RGS9: variants seen among roughly 807,000 people sequenced by gnomAD.
RGS9 encodes the protein regulator of G protein signaling 9, also known as regulator of G-protein signalling 9.
In RGS9, 78 loss-of-function variants were observed where a neutral mutation model predicts 102.0. The ratio of observed to expected loss-of-function variants is 0.76; its 90% CI spans 0.64 to 0.92. RGS9 has a LOEUF of 0.92. Ranked by LOEUF, RGS9 falls within the 40% of genes least tolerant of loss-of-function variation. The pLI, the probability that RGS9 is intolerant of heterozygous loss-of-function variation, is 0.00. For missense variants in RGS9, 833 were observed against 866.1 expected (o/e 0.96, Z 0.48); for synonymous variants, 353 against 318.6 (o/e 1.11, Z -1.15).
At chr17:65,167,477 C>T (rs1471281165) in intron 7 of RGS9, among the ~76,000 whole-genome samples, 1 of 152,172 alleles carries the variant, frequency 6.6e-6, no homozygotes, top group African/African-American at 2.4e-5. Flanking sequence ...GCTGTGATTA[C>T]AGGCATGAGC....
chr17:65,156,539 T>C (rs1342742669), intron 2 of RGS9, among the ~76,000 whole-genome samples: 1 of 152,180 alleles, frequency 6.6e-6, no homozygotes, highest in Non-Finnish European at 1.5e-5. Flanking sequence ...TTATTTAACT[T>C]CTTGGACGGC....
At chr17:65,177,401 A>G (rs891085813) in intron 8 of RGS9, among the ~76,000 whole-genome samples, 3 of 140,052 alleles carry the variant, frequency 2.1e-5, no homozygotes, top group African/African-American at 8.1e-5. Flanking sequence ...TCATCCATCC[A>G]CTTATCCATG....
chr17:65,153,313 C>G, intron 1 of RGS9, 109 bp from the exon 2 acceptor site: 1 of 925,720 alleles, frequency 1.1e-6, no homozygotes, highest in African/African-American at 1.6e-5. Context: ...ATGGGGAACC[C>G]CTGTGTCCAC....
chr17:65,209,296 C>T (rs187306771), intron 16 of RGS9, among the ~76,000 whole-genome samples: 1 of 152,344 alleles, frequency 6.6e-6, no homozygotes, highest in East Asian at 1.9e-4. Flanking sequence ...AGCTCCAAGC[C>T]TTCCTCTTGG....
intron 14 of RGS9, among the ~76,000 whole-genome samples, chr17:65,203,375 G>C (rs754758838): frequency 6.6e-6 from 1 of 152,062 alleles, no homozygotes; most frequent in Non-Finnish European, 1.5e-5. Flanking sequence ...ACACAGTGAC[G>C]CACACACAAC....
At chr17:65,190,878 T>C (rs1320173657) in intron 11 of RGS9, among the ~76,000 whole-genome samples, 1 of 152,212 alleles carries the variant, frequency 6.6e-6, no homozygotes, top group Non-Finnish European at 1.5e-5. Flanking sequence ...ACTTGGCTTA[T>C]TCCTGGGAGG....
intron 7 of RGS9, among the ~76,000 whole-genome samples, chr17:65,166,881 C>T (rs1288339705): frequency 6.6e-6 from 1 of 152,204 alleles, no homozygotes; most frequent in Non-Finnish European, 1.5e-5. Context: ...AGGAGGCTGA[C>T]GGAACGCCCA....
chr17:65,202,409 GT>G (rs1912887146), intron 14 of RGS9, among the ~76,000 whole-genome samples: 2 of 69,492 alleles, frequency 2.9e-5, no homozygotes, highest in African/African-American at 1.5e-4. Context: ...GTCCTGAGGG[GT>G]GTGTGTGTGT....
chr17:65,193,254 CAA>C (rs377349682), intron 11 of RGS9, among the ~76,000 whole-genome samples: 18 of 83,096 alleles, frequency 2.2e-4, no homozygotes, highest in Middle Eastern at 6.6e-3. Context: ...TTGGCTGTCT[CAA>C]AAAAAAAAAA....
rs1905763184 is a variant in RGS9, at chr17:65,227,680, A to C, written c.*273A>C. ...TCCCTGCTGCCTTAAAACCAATAAAAGGTTAACTTTAAGTTTCTTGGAATG... is the reference window on the plus strand; with the variant it reads ...TCCCTGCTGCCTTAAAACCAATAAACGGTTAACTTTAAGTTTCTTGGAATG... On this transcript the variant is annotated 3_prime_UTR_variant, in exon 19 of 19. Coordinates refer to ENST00000262406, the MANE Select transcript of RGS9 (RefSeq NM_003835.4). 2 of 489,994 alleles carry C rather than the reference A, an allele frequency of 4.1e-6. No individual in the cohort carries two copies. The highest frequency in any genetic ancestry group is 7.5e-6 in the Non-Finnish European group (2 of 267,856). 30.4% of individuals were successfully genotyped at this position (489,994 alleles called of 1,614,324 possible). A position where few individuals can be genotyped will look rare whatever the true frequency, so the allele number is the denominator to read the frequency against.
rs539142612 is a variant in RGS9 at position 65,173,450 on chromosome 17, C to T, written c.583-4282C>T. 9.9e-5 allele frequency among the ~76,000 whole-genome samples: 15 copies of T among 152,020 alleles called. No individual in the cohort carries two copies. The highest frequency in any genetic ancestry group is 6.2e-4 in the South Asian group (3 of 4,816). ...GGTTCCTGGGAACATCGCCTCCTCACGAGCAGTTGTCACGAGTACAGGAGC... is the reference window on the plus strand; with the variant it reads ...GGTTCCTGGGAACATCGCCTCCTCATGAGCAGTTGTCACGAGTACAGGAGC... On this transcript the variant is annotated intron_variant, in intron 8 of 18. Transcript: ENST00000262406. This position sits in a 1 kb window ranked among gnomAD's most constrained non-coding sequence, Gnocchi z 4.8.
chr17:65,169,638 G>A (rs540291144), intron 8 of RGS9, among the ~76,000 whole-genome samples: 1 of 152,350 alleles, frequency 6.6e-6, no homozygotes, highest in South Asian at 2.1e-4. Context: ...GAATGCCTAT[G>A]TGACTACATT....
chr17:65,176,067 ACT>A lies in RGS9; in HGVS notation c.583-1660_583-1659del, dbSNP rs1911612416. On this transcript the variant is annotated intron_variant, in intron 8 of 18. Transcript: ENST00000262406. ...GGCAAGAAAGCCCAGTTGCTTCCCA[ACT>A]CTCTGCTTCAGTGTAGCCAACCTGG... 3.9e-5 allele frequency among the ~76,000 whole-genome samples: 6 copies of A among 152,070 alleles called. No individual in the cohort carries two copies. In the South Asian group the frequency reaches 1.2e-3, roughly 32 times the overall value.
chr17:65,189,459 C>G (rs1197363352), intron 10 of RGS9, 144 bp downstream of exon 10: 2 of 731,356 alleles, frequency 2.7e-6, no homozygotes, highest in Non-Finnish European at 4.9e-6. Context: ...ACGGACAGCA[C>G]AGAGTGACGA....
rs1235176073 is a variant in RGS9, at chr17:65,225,036, C to G, written c.1442C>G (p.Thr481Ser). The change falls in exon 18 of 19, where the codon ACC becomes AGC. Residue 481 changes from threonine to serine, a missense_variant. Physicochemically the swap from Thr to Ser is moderately conservative, Grantham distance 58 (BLOSUM62 1). Transcript: ENST00000262406. ...GQHMAPSPHL[T>S]VYTGTCMPPS... Reference sequence around the variant, plus strand: ...CACATGGCTCCCAGCCCCCATCTGACCGTGTACACCGGGACCTGCATGCCC... The same window carrying G: ...CACATGGCTCCCAGCCCCCATCTGAGCGTGTACACCGGGACCTGCATGCCC... 3 of 1,613,916 alleles carry G rather than the reference C, an allele frequency of 1.9e-6. No individual in the cohort carries two copies. The highest frequency in any genetic ancestry group is 2.5e-6 in the Non-Finnish European group (3 of 1,180,016).
chr17:65,195,116 C>T (rs564607240), intron 12 of RGS9, among the ~76,000 whole-genome samples: 4 of 152,294 alleles, frequency 2.6e-5, no homozygotes, highest in African/African-American at 9.6e-5. Context: ...CCATGTCTGC[C>T]TCCCAGCGTA....
At chr17:65,165,977 G>A (rs1451982110) in intron 7 of RGS9, among the ~76,000 whole-genome samples, 1 of 152,044 alleles carries the variant, frequency 6.6e-6, no homozygotes, top group African/African-American at 2.4e-5. Context: ...CTCTTGAGTG[G>A]TTGCTGTCAG....
intron 6 of RGS9, among the ~76,000 whole-genome samples, chr17:65,161,930 T>G (rs916791628): frequency 1.3e-5 from 2 of 151,774 alleles, no homozygotes; most frequent in African/African-American, 4.8e-5. Flanking sequence ...ACTCCTGGGC[T>G]CAAGTGATCC....
chr17:65,140,711 T>G (rs1910123863), intron 1 of RGS9, among the ~76,000 whole-genome samples: 1 of 151,512 alleles, frequency 6.6e-6, no homozygotes, highest in South Asian at 2.1e-4. Flanking sequence ...CCTCTGACTA[T>G]TAAAAATATA....
Sources: allele counts gnomAD v4.1 joint callset (sites outside exome capture counted in the v4.1 genomes callset), GRCh38; gene constraint gnomAD v4.1.1; non-coding constraint Gnocchi (gnomAD v3.1); transcripts MANE v1.5; gene names NCBI Gene and HGNC (gene_info 2026-07-23, HGNC 2026-07-21).